Variants in ADCY7 observed in about 807,000 individuals in gnomAD.
ADCY7 encodes the protein adenylate cyclase type 7.
A neutral mutation model predicts 120.6 loss-of-function variants in ADCY7; 72 were observed. The ratio of observed to expected loss-of-function variants is 0.60; its 90% CI spans 0.49 to 0.73. ADCY7 has a LOEUF of 0.73. ADCY7 is among the 30% of genes least tolerant of loss of function. The pLI, the probability that ADCY7 is intolerant of heterozygous loss-of-function variation, is 0.00. For synonymous variants in ADCY7, 661 were observed against 628.0 expected (o/e 1.05, Z -0.78); for missense variants, 1,227 against 1,486.0 (o/e 0.83, Z 2.87).
Position 50,312,074 on chromosome 16 carries a change from G to T in ADCY7, c.2487G>T (p.Lys829Asn), listed in dbSNP as rs770586186. The change falls in exon 21 of 26, where the codon AAG becomes AAT. Residue 829 changes from lysine to asparagine, a missense_variant. Coordinates refer to ENST00000673801, the MANE Select transcript of ADCY7 (RefSeq NM_001114.5). ...YYCRLDCLWK[K>N]KFKKEHEEFE... ...GCCGCTTGGACTGCCTATGGAAGAAGAAGTTCAAGAAGGAGCACGAGGAGT... is the reference window on the plus strand; with the variant it reads ...GCCGCTTGGACTGCCTATGGAAGAATAAGTTCAAGAAGGAGCACGAGGAGT... The T allele has an allele frequency of 1.2e-6, 2 of 1,614,244 alleles. No individual in the cohort carries two copies. The highest frequency in any genetic ancestry group is 4.5e-5 in the East Asian group (2 of 44,882).
At chr16:50,292,520 T>TC in intron 4 of ADCY7, 156 bp from the exon 5 acceptor site, 1 of 900,694 alleles carries the variant, frequency 1.1e-6, no homozygotes, top group Non-Finnish European at 1.7e-6. Context: ...TGTCTGGGCC[T>TC]CAGTTTCCCT....
Position 50,302,748 on chromosome 16 carries a change from C to T in ADCY7, c.1368+1534C>T, listed in dbSNP as rs1300185203. 5.3e-5 allele frequency among the ~76,000 whole-genome samples: 8 copies of T among 151,982 alleles called. No homozygotes were observed. In the East Asian group the frequency reaches 9.7e-4, roughly 18 times the overall value. ...ATTTTCACGGACACCGAGTGAACTG[C>T]GAGTCCCCCCACCCTTCTTGCTAAG... On this transcript the variant is annotated intron_variant, in intron 10 of 25. Coordinates refer to ENST00000673801, the MANE Select transcript of ADCY7 (RefSeq NM_001114.5).
At chr16:50,301,264 G>A in intron 10 of ADCY7, 50 bp downstream of exon 10, 1 of 1,539,538 alleles carries the variant, frequency 6.5e-7, no homozygotes, top group Non-Finnish European at 8.8e-7. Context: ...GGGACTGGAG[G>A]GGCCCTGGAG....
At chr16:50,308,572 G>T (rs2036234639) in intron 16 of ADCY7, 95 bp from the exon 17 acceptor site, 2 of 1,552,480 alleles carry the variant, frequency 1.3e-6, no homozygotes, top group Admixed American at 1.8e-5. Context: ...TGCCCTGGAG[G>T]CTTCTCCCGA....
intron 1 of ADCY7, among the ~76,000 whole-genome samples, chr16:50,277,130 C>G (rs1365128802): frequency 1.3e-5 from 2 of 152,284 alleles, no homozygotes; most frequent in Non-Finnish European, 1.5e-5. Context: ...ACGTTAGTTT[C>G]AAGTGGCCTC....
intron 1 of ADCY7, among the ~76,000 whole-genome samples, chr16:50,259,420 T>G (rs565060535): frequency 3.9e-5 from 6 of 152,246 alleles, no homozygotes; most frequent in African/African-American, 1.4e-4. Context: ...AGCTGCCAAG[T>G]TTTTCAAAGG....
At position 50,310,702 on chromosome 16, in the gene ADCY7, T is replaced by C; in HGVS notation, c.2176T>C (p.Cys726Arg). Residue 726 changes from cysteine to arginine, a missense_variant, in exon 19 of 26, where the codon TGT (cysteine) becomes CGT (arginine). Cys to Arg is a radical substitution (Grantham distance 180, BLOSUM62 -3). Coordinates refer to ENST00000673801, the MANE Select transcript of ADCY7 (RefSeq NM_001114.5). ...GCCCCCTCAGTACTACACCTGCAGC[T>C]GTGTCCTGGGCTTCATCGCCTGCTC... ...CEPLPYYTCSCVLGFIACSVF... is the reference protein window; with the variant it reads ...CEPLPYYTCSRVLGFIACSVF... 6.2e-7 allele frequency: 1 copy of C among 1,613,976 alleles called. No individual in the cohort carries two copies. The highest frequency in any genetic ancestry group is 8.5e-7 in the Non-Finnish European group (1 of 1,179,944).
chr16:50,305,741 C>T (rs764567707), intron 13 of ADCY7, 36 bp from the exon 14 acceptor site: 2 of 1,586,378 alleles, frequency 1.3e-6, no homozygotes, highest in South Asian at 1.1e-5. Flanking sequence ...GACCCCTTCC[C>T]AGCCCCCATC....
At chr16:50,296,313 A>G (rs1394202162) in intron 7 of ADCY7, among the ~76,000 whole-genome samples, 1 of 151,530 alleles carries the variant, frequency 6.6e-6, no homozygotes, top group Non-Finnish European at 1.5e-5. Flanking sequence ...TCAGCCTCCC[A>G]AAGTGCTAGG....
chr16:50,245,083 G>A (rs2032540054), upstream of ADCY7, among the ~76,000 whole-genome samples: 1 of 152,288 alleles, frequency 6.6e-6, no homozygotes, highest in East Asian at 1.9e-4. Flanking sequence ...GGGGGGCAAC[G>A]CCCTCCCACA....
chr16:50,305,069 C>T, intron 12 of ADCY7, 110 bp downstream of exon 12: 1 of 1,417,910 alleles, frequency 7.1e-7, no homozygotes, highest in Non-Finnish European at 9.8e-7. Flanking sequence ...AGCCCAGGAC[C>T]TCTGTGAAGT....
Position 50,252,440 on chromosome 16 carries a change from T to TTGTTTGTGTGCCTGGGC in ADCY7, c.-64+6237_-64+6238insTGTTTGTGTGCCTGGGC, listed in dbSNP as rs1191982393. On this transcript the variant is annotated intron_variant, in intron 1 of 4. Transcript: ENST00000564044. ...GTGTGGGGTGGAGGCAGCCACTGGG[T>TTGTTTGTGTGCCTGGGC]AGGCATTGTTTGTGTGCCTGGGCAG... 1.4e-3 allele frequency among the ~76,000 whole-genome samples: 216 copies of TTGTTTGTGTGCCTGGGC among 151,018 alleles called. 1 individual carries two copies. Among genetic ancestry groups the TTGTTTGTGTGCCTGGGC allele is most frequent in the Non-Finnish European group, 1.9e-3 (128 of 67,942 alleles).
At chr16:50,281,998 C>T (rs1417679134) in intron 1 of ADCY7, among the ~76,000 whole-genome samples, 2 of 152,184 alleles carry the variant, frequency 1.3e-5, no homozygotes, top group East Asian at 3.9e-4. Flanking sequence ...TCTGGAGCTG[C>T]GTGGCGTCCC....
At position 50,312,043 on chromosome 16, in the gene ADCY7, A is replaced by C; in HGVS notation, c.2456A>C (p.Tyr819Ser). Residue 819 changes from tyrosine to serine, a missense_variant, in exon 21 of 26, where the codon TAT becomes TCT. Physicochemically the swap from Tyr to Ser is moderately radical, Grantham distance 144. This residue lies in a region of ADCY7 where 267 missense variants were observed against 270.0 expected (regional missense o/e 0.99). Transcript: ENST00000673801. ...TGTTGCTGCCGTTTGCAGATTGACT[A>C]TTACTGCCGCTTGGACTGCCTATGG... is the stretch of plus-strand genomic sequence containing the variant. ...TLLTLSRQID[Y>S]YCRLDCLWKK... 2 of 1,614,206 alleles carry C rather than the reference A, an allele frequency of 1.2e-6. No individual in the cohort carries two copies. Among genetic ancestry groups the C allele is most frequent in the Non-Finnish European group, 1.7e-6 (2 of 1,180,036 alleles).
In ADCY7 at chr16:50,317,894, T is replaced by TAACAAACA. The variant is rs77844678; in HGVS notation, c.*2406_*2413dup. 84 of 151,828 alleles carry TAACAAACA rather than the reference T, an allele frequency of 5.5e-4. No homozygotes were observed. Among genetic ancestry groups the TAACAAACA allele is most frequent in the Middle Eastern group, 3.5e-3 (1 of 288 alleles). The allele number at this position is 151,828 out of a possible 1,614,324, so 9.4% of individuals were successfully genotyped here. ...TTTCTGGCTTATTGAGGAAATTTCCTAACAAACAAACAAACAAACAAACAG... is the reference window on the plus strand; with the variant it reads ...TTTCTGGCTTATTGAGGAAATTTCCTAACAAACAAACAAACAAACAAACAAACAAACAG... On this transcript the variant is annotated 3_prime_UTR_variant, in exon 26 of 26. Transcript: ENST00000673801.
intron 25 of ADCY7, 53 bp from the exon 26 acceptor site, chr16:50,315,306 A>G: frequency 6.3e-7 from 1 of 1,586,414 alleles, no homozygotes; most frequent in Non-Finnish European, 8.6e-7. Flanking sequence ...TGTCCCTACC[A>G]TGACAGGTGT....
chr16:50,315,015 C>G lies in ADCY7; in HGVS notation c.2973C>G (p.Gly991=), dbSNP rs754381579. ...HSFNSFRLRV[G]INHGPVIAGV... ...GGTAACTGTAAACATCATCTTCAGG[C>G]ATAAACCATGGGCCTGTGATTGCTG... Residue 991 remains glycine, a splice_region_variant and synonymous_variant, in exon 25 of 26, where the codon GGC becomes GGG. Coordinates refer to ENST00000673801, the MANE Select transcript of ADCY7 (RefSeq NM_001114.5). 1.2e-6 allele frequency: 2 copies of G among 1,614,126 alleles called. No homozygotes were observed. Among genetic ancestry groups the G allele is most frequent in the Non-Finnish European group, 1.7e-6 (2 of 1,179,980 alleles).
intron 1 of ADCY7, among the ~76,000 whole-genome samples, chr16:50,254,957 TA>T (rs1009528363): frequency 7.2e-5 from 11 of 151,942 alleles, no homozygotes; most frequent in Non-Finnish European, 1.3e-4. Context: ...TATTACAAGC[TA>T]CAGTAATTAA....
Position 50,288,226 on chromosome 16 carries a change from C to T in ADCY7, c.47C>T (p.Pro16Leu). The stretch of plus-strand genomic sequence containing the variant: ...TTCCTCAACGAGGGCGAGGAGGGCC[C>T]TGACCAAGATGCGCTCTACGAGAAG... ...RYFLNEGEEG[P>L]DQDALYEKYQ... Residue 16 changes from proline (P) to leucine (L), a missense_variant, in exon 2 of 26, where the codon CCT becomes CTT. Around this residue, in one of 5 missense-constraint regions of ADCY7, gnomAD observed 382 missense variants for 411.4 expected, o/e 0.93. Coordinates refer to ENST00000673801, the MANE Select transcript of ADCY7 (RefSeq NM_001114.5). The T allele has an allele frequency of 1.3e-6, 2 of 1,551,626 alleles. No individual in the cohort carries two copies. Among genetic ancestry groups the T allele is most frequent in the Non-Finnish European group, 1.7e-6 (2 of 1,147,124 alleles).
Sources: gnomAD v4.1 joint callset for allele counts (sites outside exome capture counted in the v4.1 genomes callset) on GRCh38, gnomAD v4.1.1 for gene constraint, gnomAD v4.1.1 regional missense constraint, MANE v1.5 for transcripts, NCBI Gene and HGNC (gene_info 2026-07-23, HGNC 2026-07-21) for gene names.